The following CNTN5 variants were observed in gnomAD, a reference collection of about 807,000 sequenced individuals.
The protein encoded by CNTN5 is contactin 5.
A neutral mutation model predicts 129.1 loss-of-function variants in CNTN5; 77 were observed. The observed-to-expected ratio is 0.60, with a 90% confidence interval of 0.50 to 0.72. The LOEUF is 0.72. Ranked by LOEUF, CNTN5 falls within the 30% of genes least tolerant of loss-of-function variation. The pLI, the probability that CNTN5 is intolerant of heterozygous loss-of-function variation, is 0.00. For missense variants in CNTN5, 1,478 were observed against 1,328.8 expected, an observed-to-expected ratio of 1.11 and a Z score of -1.75; for synonymous variants, 509 against 465.6, an observed-to-expected ratio of 1.09 and a Z score of -1.20.
intron 3 of CNTN5, among the ~76,000 whole-genome samples, chr11:99,788,480 T>C (rs1243662877): frequency 2.0e-5 from 3 of 151,966 alleles, no homozygotes; most frequent in Non-Finnish European, 2.9e-5. Flanking sequence ...CATAAACACA[T>C]TATTTTTATG....
chr11:99,651,915 G>A (rs753827835), intron 3 of CNTN5, among the ~76,000 whole-genome samples: 8 of 152,094 alleles, frequency 5.3e-5, no homozygotes, highest in South Asian at 2.1e-4. Context: ...AAAGTTCTGC[G>A]TTAGAAAGGA....
intron 2 of CNTN5, among the ~76,000 whole-genome samples, chr11:99,363,073 A>G (rs1444808546): frequency 6.6e-6 from 1 of 152,104 alleles, no homozygotes; most frequent in Non-Finnish European, 1.5e-5. Flanking sequence ...TAGGATTTTG[A>G]TAAGGATTGT....
chr11:99,691,954 A>ATAGT (rs1954056284), intron 3 of CNTN5, among the ~76,000 whole-genome samples: 1 of 152,058 alleles, frequency 6.6e-6, no homozygotes, highest in Admixed American at 6.6e-5. Flanking sequence ...TATATTTAGG[A>ATAGT]TAGTTAGTTC....
chr11:99,819,765 G>A lies in CNTN5; in HGVS notation c.277G>A (p.Glu93Lys), dbSNP rs1946737582. The change falls in exon 4 of 25, where the codon GAA (glutamate) becomes AAA (lysine). Residue 93 changes from glutamate to lysine, a missense_variant and splice_region_variant. Coordinates refer to ENST00000524871, the MANE Select transcript of CNTN5 (RefSeq NM_014361.4). Reference protein sequence around the residue: ...YHSSDAFKQDESVDYGPVFVQ... With the variant: ...YHSSDAFKQDKSVDYGPVFVQ... ...TTCCTCAGATGCCTTCAAACAAGAT[G>A]GTAAGTGTCAAAGGAAAATGGCTCC... The A allele has an allele frequency of 5.1e-5, 6 of 117,642 alleles. No homozygotes were observed. The highest frequency in any genetic ancestry group is 4.4e-4 in the African/African-American group (2 of 4,566). 7.3% of individuals were successfully genotyped at this position (117,642 alleles called of 1,614,324 possible). A position where few individuals can be genotyped will look rare whatever the true frequency, so the allele number is the denominator to read the frequency against.
intron 1 of CNTN5, among the ~76,000 whole-genome samples, chr11:99,301,931 T>G (rs978090549): frequency 6.6e-6 from 1 of 151,494 alleles, no homozygotes; most frequent in Non-Finnish European, 1.5e-5. Flanking sequence ...GAAGAGAGTT[T>G]TAAAAATTGA....
At chr11:99,854,344 C>T (rs928994877) in intron 6 of CNTN5, among the ~76,000 whole-genome samples, 23 of 152,098 alleles carry the variant, frequency 1.5e-4, no homozygotes, top group African/African-American at 5.6e-4. Flanking sequence ...TTGTAATTTG[C>T]CCTACGGGTA....
At chr11:99,911,129 A>T (rs1242374095) in intron 6 of CNTN5, among the ~76,000 whole-genome samples, 1 of 152,054 alleles carries the variant, frequency 6.6e-6, no homozygotes, top group Non-Finnish European at 1.5e-5. Context: ...TTTGTCTCTG[A>T]CACTTAGTCT....
At chr11:99,683,142 A>C (rs1362405382) in intron 3 of CNTN5, among the ~76,000 whole-genome samples, 1 of 151,884 alleles carries the variant, frequency 6.6e-6, no homozygotes, top group African/African-American at 2.4e-5. Context: ...ATATTTTGAT[A>C]ATAAAAGTTT....
intron 6 of CNTN5, among the ~76,000 whole-genome samples, chr11:99,870,068 G>T (rs1011309239): frequency 1.3e-5 from 2 of 152,124 alleles, no homozygotes; most frequent in Non-Finnish European, 2.9e-5. Flanking sequence ...TTTGCTAGTG[G>T]AACTGGGAAT....
chr11:99,253,215 C>A (rs912830074), intron 1 of CNTN5, among the ~76,000 whole-genome samples: 5 of 152,098 alleles, frequency 3.3e-5, no homozygotes, highest in Admixed American at 2.6e-4. Context: ...ATTGGAGTTC[C>A]CCTGCACCAG....
intron 2 of CNTN5, among the ~76,000 whole-genome samples, chr11:99,513,117 TAGAG>T (rs1478284503): frequency 6.6e-6 from 1 of 152,096 alleles, no homozygotes; most frequent in Non-Finnish European, 1.5e-5. Flanking sequence ...TTATTGCCAA[TAGAG>T]AGAAAGTTTT....
At chr11:99,763,849 A>T (rs1944665347) in intron 3 of CNTN5, among the ~76,000 whole-genome samples, 1 of 151,876 alleles carries the variant, frequency 6.6e-6, no homozygotes, top group South Asian at 2.1e-4. Flanking sequence ...ATAACCATAT[A>T]TTAAATTGAA....
intron 1 of CNTN5, among the ~76,000 whole-genome samples, chr11:99,124,084 A>G (rs1306899856): frequency 6.6e-6 from 1 of 152,072 alleles, no homozygotes; most frequent in Non-Finnish European, 1.5e-5. Flanking sequence ...TGGTAGTTTA[A>G]TAGGAAGAGC....
chr11:100,335,805 C>T (rs1952026882), intron 21 of CNTN5, among the ~76,000 whole-genome samples: 1 of 151,702 alleles, frequency 6.6e-6, no homozygotes, highest in Admixed American at 6.6e-5. Flanking sequence ...AGGTTTGTCT[C>T]TATACTCTCC....
At chr11:99,644,821 T>C (rs1951892431) in intron 3 of CNTN5, among the ~76,000 whole-genome samples, 2 of 152,132 alleles carry the variant, frequency 1.3e-5, no homozygotes, top group African/African-American at 4.8e-5. Flanking sequence ...CTAAAGGAAC[T>C]ATACAACAGG....
At chr11:99,917,152 A>G (rs1345594973) in intron 7 of CNTN5, among the ~76,000 whole-genome samples, 1 of 152,064 alleles carries the variant, frequency 6.6e-6, no homozygotes, top group African/African-American at 2.4e-5. Flanking sequence ...CAACAGGGAC[A>G]TATTTTTGAA....
At chr11:99,846,445 T>C (rs1258013658) in intron 6 of CNTN5, among the ~76,000 whole-genome samples, 1 of 151,186 alleles carries the variant, frequency 6.6e-6, no homozygotes, top group African/African-American at 2.4e-5. Context: ...TTACTTATAA[T>C]GAGAGCTTAC....
At position 99,606,327 on chromosome 11, in the gene CNTN5, T is replaced by G. The variant is rs1168092777; in HGVS notation, c.55+50058T>G. On this transcript the variant is annotated intron_variant, in intron 3 of 24. Transcript: ENST00000524871. ...AACAGACAAACAGAGAGCCAAATCA[T>G]GGGTGAACTCCCATTCACAATTGCT... Among the ~76,000 whole-genome samples, 3 of 132,132 alleles carry G rather than the reference T, an allele frequency of 2.3e-5. 1 individual carries two copies. Among genetic ancestry groups the G allele is most frequent in the Middle Eastern group, 7.2e-3 (2 of 278 alleles). The allele number at this position is 132,132 out of a possible 152,430, so 86.7% of individuals were successfully genotyped here.
At chr11:100,118,024 C>T (rs1175367223) in intron 13 of CNTN5, among the ~76,000 whole-genome samples, 7 of 151,484 alleles carry the variant, frequency 4.6e-5, no homozygotes, top group Admixed American at 6.6e-5. Flanking sequence ...TTTTTAACCT[C>T]GCAGTTGTTT....
Sources: allele counts gnomAD v4.1 joint callset (sites outside exome capture counted in the v4.1 genomes callset), GRCh38; gene constraint gnomAD v4.1.1; transcripts MANE v1.5; gene names NCBI Gene and HGNC (gene_info 2026-07-23, HGNC 2026-07-21).